OR2A5: variants seen among roughly 807,000 people sequenced by gnomAD.
OR2A5 encodes olfactory receptor family 2 subfamily A member 5.
A neutral mutation model predicts 1.9 loss-of-function variants in OR2A5; 2 were observed. The observed-to-expected ratio is 1.04, with a 90% CI of 0.43 to 3.28. The LOEUF (loss-of-function observed/expected upper bound fraction) is 3.28. OR2A5 is among the 30% of genes most tolerant of loss of function. The pLI is 0.08. For missense variants in OR2A5, 391 were observed against 375.9 expected (o/e 1.04, Z -0.33); for synonymous variants, 160 against 154.5 (o/e 1.04, Z -0.26).
Position 144,050,520 on chromosome 7 carries a change from G to C in OR2A5, c.119G>C (p.Gly40Ala), listed in dbSNP as rs2050892848. 1 of 1,608,486 alleles carries C rather than the reference G, an allele frequency of 6.2e-7. No homozygotes were observed. ...FSLLYVFTLL[G>A]NGAILGLIWL... is the part of the protein sequence containing the mutation. ...CTGTTATACGTCTTCACCCTGCTGG[G>C]AAATGGGGCCATCCTGGGGCTCATC... Residue 40 changes from glycine to alanine, a missense_variant, in exon 2 of 2, where the codon GGA (glycine) becomes GCA (alanine). Transcript: ENST00000641693.
chr7:144,058,673 G>A lies in OR2A5; in HGVS notation c.*7336G>A, dbSNP rs1288150906. The A allele has an allele frequency of 6.6e-6, 1 of 152,362 alleles. No homozygotes were observed. The highest frequency in any genetic ancestry group is 1.5e-5 in the Non-Finnish European group (1 of 68,212). 9.4% of individuals were successfully genotyped at this position (152,362 alleles called of 1,614,324 possible). ...CCCAGCACTTTGGGAGGCCGAGGTG[G>A]GTGGATCGCGAGATCAGGAGTTCAA... On this transcript the variant is annotated 3_prime_UTR_variant, in exon 2 of 2. Coordinates refer to ENST00000641693, the MANE Select transcript of OR2A5 (RefSeq NM_012365.2).
rs556419063 is a variant in OR2A5 at position 144,051,734 on chromosome 7, A to G, written c.*397A>G. ...GAGAGTACTTGTAATCACACAGAAT[A>G]AATACTGACCTTGGTTAAGCAGCCC... On this transcript the variant is annotated 3_prime_UTR_variant, in exon 2 of 2. Transcript: ENST00000641693. 1 of 178,312 alleles carries G rather than the reference A, an allele frequency of 5.6e-6. No homozygotes were observed. The highest frequency in any genetic ancestry group is 1.4e-4 in the East Asian group (1 of 6,918). 11.0% of individuals were successfully genotyped at this position (178,312 alleles called of 1,614,324 possible).
In OR2A5 at chr7:144,055,307, T is replaced by C. The variant is rs1285377181; in HGVS notation, c.*3970T>C. The C allele has an allele frequency of 6.6e-6, 1 of 152,216 alleles. No individual in the cohort carries two copies. The highest frequency in any genetic ancestry group is 1.5e-5 in the Non-Finnish European group (1 of 68,030). 9.4% of individuals were successfully genotyped at this position (152,216 alleles called of 1,614,324 possible). A position where few individuals can be genotyped will look rare whatever the true frequency, so the allele number is the denominator to read the frequency against. On this transcript the variant is annotated 3_prime_UTR_variant, in exon 2 of 2. Coordinates refer to ENST00000641693, the MANE Select transcript of OR2A5 (RefSeq NM_012365.2). ...TGCAACAATGAGGTCTTGTGAATTA[T>C]TGTGCAGCCTTACTATAAATAGAAA... is the stretch of plus-strand genomic sequence containing the variant.
chr7:144,051,174 T>G lies in OR2A5; in HGVS notation c.773T>G (p.Met258Arg). 6.2e-7 allele frequency: 1 copy of G among 1,614,210 alleles called. No individual in the cohort carries two copies. The highest frequency in any genetic ancestry group is 8.5e-7 in the Non-Finnish European group (1 of 1,180,030). ...CTCTTCTTTGGCAGCGCCATTGTCA[T>G]GTACATGGCCCCCAAGTCCCGCCAC... is the stretch of plus-strand genomic sequence containing the variant. ...VGLFFGSAIV[M>R]YMAPKSRHPE... The change falls in exon 2 of 2, where the codon ATG becomes AGG. Residue 258 changes from methionine (M) to arginine (R), a missense_variant. Met to Arg is a moderately conservative substitution (Grantham distance 91). Transcript: ENST00000641693.
Position 144,057,815 on chromosome 7 carries a change from T to C in OR2A5, c.*6478T>C, listed in dbSNP as rs1360632413. ...TGATAAAGAATAATAGTAAATATAA[T>C]TGTTGAATGTAAACAAAATAGCTTT... On this transcript the variant is annotated 3_prime_UTR_variant, in exon 2 of 2. Transcript: ENST00000641693. The C allele has an allele frequency of 2.6e-5, 4 of 152,296 alleles. No individual in the cohort carries two copies. The highest frequency in any genetic ancestry group is 2.0e-4 in the Admixed American group (3 of 15,302). The allele number at this position is 152,296 out of a possible 1,614,324, so 9.4% of individuals were successfully genotyped here.
At chr7:144,050,304 C>T (rs1394563526) in intron 1 of OR2A5, 47 bp from the exon 2 acceptor site, 35 of 786,030 alleles carry the variant, frequency 4.5e-5, no homozygotes, top group Non-Finnish European at 5.2e-5. Context: ...ACCATAAACC[C>T]CCTCCTTCTG....
rs967735978 is a variant in OR2A5 at position 144,055,619 on chromosome 7, T to G, written c.*4282T>G. The stretch of plus-strand genomic sequence containing the variant: ...AGTAGGAAAAAATTGTTGTATAAGC[T>G]TCATACTTGTGGTTCTCATACTTTT... On this transcript the variant is annotated 3_prime_UTR_variant, in exon 2 of 2. Transcript: ENST00000641693. 2 of 152,220 alleles carry G rather than the reference T, an allele frequency of 1.3e-5. No homozygotes were observed. The highest frequency in any genetic ancestry group is 4.8e-5 in the African/African-American group (2 of 41,458). The allele number at this position is 152,220 out of a possible 1,614,324, so 9.4% of individuals were successfully genotyped here.
chr7:144,050,649 A>T lies in OR2A5; in HGVS notation c.248A>T (p.Asn83Ile). The change falls in exon 2 of 2, where the codon AAC (asparagine) becomes ATC (isoleucine). Residue 83 changes from asparagine to isoleucine, a missense_variant. Coordinates refer to ENST00000641693, the MANE Select transcript of OR2A5 (RefSeq NM_012365.2). ...AACAATGTCCCCAAGATGCTGACAA[A>T]CCTTGGCTTGAACAAGAGAAAAACA... ...ASNNVPKMLTNLGLNKRKTIS... is the reference protein window; with the variant it reads ...ASNNVPKMLTILGLNKRKTIS... 6.2e-7 allele frequency: 1 copy of T among 1,613,854 alleles called. No individual in the cohort carries two copies. The highest frequency in any genetic ancestry group is 8.5e-7 in the Non-Finnish European group (1 of 1,179,930).
At position 144,050,804 on chromosome 7, in the gene OR2A5, A is replaced by T. The variant is rs751583606; in HGVS notation, c.403A>T (p.Ile135Phe). ...AICHPLQYSV[I>F]MRWGVCTVLA... is the part of the protein sequence containing the mutation. ...CTGCCACCCTCTGCAATATTCTGTCATCATGAGATGGGGAGTGTGCACAGT... is the reference window on the plus strand; with the variant it reads ...CTGCCACCCTCTGCAATATTCTGTCTTCATGAGATGGGGAGTGTGCACAGT... Residue 135 changes from isoleucine to phenylalanine, a missense_variant, in exon 2 of 2, where the codon ATC (isoleucine) becomes TTC (phenylalanine). Ile to Phe is a conservative substitution (Grantham distance 21, BLOSUM62 0). Coordinates refer to ENST00000641693, the MANE Select transcript of OR2A5 (RefSeq NM_012365.2). The T allele has an allele frequency of 1.2e-6, 2 of 1,614,194 alleles. No homozygotes were observed. The highest frequency in any genetic ancestry group is 2.2e-5 in the East Asian group (1 of 44,878).
At position 144,050,429 on chromosome 7, in the gene OR2A5, G is replaced by T; in HGVS notation, c.28G>T (p.Glu10Ter). 6.5e-7 allele frequency: 1 copy of T among 1,542,606 alleles called. No individual in the cohort carries two copies. The highest frequency in any genetic ancestry group is 8.7e-7 in the Non-Finnish European group (1 of 1,150,582). MTKNQTWVTEFILLGFPLSL... is the reference protein window; with the variant it reads MTKNQTWVT ...GACAAAAAATCAGACATGGGTCACA[G>T]AATTCATTCTCCTGGGATTTCCACT... Residue 10 changes from glutamate to a stop codon, truncating the protein, a stop_gained, in exon 2 of 2, where the codon GAA (glutamate) becomes TAA (stop). Coordinates refer to ENST00000641693, the MANE Select transcript of OR2A5 (RefSeq NM_012365.2). LOFTEE classifies it low-confidence loss of function (END_TRUNC).
In OR2A5 at chr7:144,051,121, CTGCTCCTCCCACCTT is replaced by C; in HGVS notation, c.724_738del (p.Ser242_Cys246del). 1 of 1,614,244 alleles carries C rather than the reference CTGCTCCTCCCACCTT, an allele frequency of 6.2e-7. No homozygotes were observed. Reference sequence around the variant, plus strand: ...AGGGCCGCAGAAAGGCCTTCTCCACCTGCTCCTCCCACCTTTGCATGGTGGGACTCTTCTTTGGCA... The same window carrying C: ...AGGGCCGCAGAAAGGCCTTCTCCACCTGCATGGTGGGACTCTTCTTTGGCA... On this transcript the variant is annotated inframe_deletion, in exon 2 of 2. Transcript: ENST00000641693.
chr7:144,051,454 T>C lies in OR2A5; in HGVS notation c.*117T>C. The stretch of plus-strand genomic sequence containing the variant: ...AGATTTCTGATATCAAGAATGTATA[T>C]TGATTGGATTCTATCCCTAAACGTG... On this transcript the variant is annotated 3_prime_UTR_variant, in exon 2 of 2. Coordinates refer to ENST00000641693, the MANE Select transcript of OR2A5 (RefSeq NM_012365.2). 3 of 805,178 alleles carry C rather than the reference T, an allele frequency of 3.7e-6. No individual in the cohort carries two copies. Among genetic ancestry groups the C allele is most frequent in the Non-Finnish European group, 5.8e-6 (3 of 515,126 alleles). The allele number at this position is 805,178 out of a possible 1,614,324, so 49.9% of individuals were successfully genotyped here.
rs371636291 is a variant in OR2A5, at chr7:144,050,746, G to A, written c.345G>A (p.Leu115=). The part of the protein sequence containing the change: ...MAFAHTECLI[L]VMMSYDRYMA... ...TTGCTCACACTGAGTGTCTCATCTT[G>A]GTAATGATGTCCTACGATCGGTACA... Residue 115 remains leucine (L), a synonymous_variant, in exon 2 of 2, where the codon TTG becomes TTA. Coordinates refer to ENST00000641693, the MANE Select transcript of OR2A5 (RefSeq NM_012365.2). 8.7e-6 allele frequency: 14 copies of A among 1,613,918 alleles called. No individual in the cohort carries two copies. Among genetic ancestry groups the A allele is most frequent in the Non-Finnish European group, 1.1e-5 (13 of 1,179,952 alleles).
In OR2A5 at chr7:144,058,152, A is replaced by T. The variant is rs2050954646; in HGVS notation, c.*6815A>T. On this transcript the variant is annotated 3_prime_UTR_variant, in exon 2 of 2. Transcript: ENST00000641693. ...TTGTCCTAGTGATTACAGCCACATGAGTCACTGGTCAGCTCAGCGGCTATC... is the reference window on the plus strand; with the variant it reads ...TTGTCCTAGTGATTACAGCCACATGTGTCACTGGTCAGCTCAGCGGCTATC... 1 of 152,228 alleles carries T rather than the reference A, an allele frequency of 6.6e-6. No homozygotes were observed. Among genetic ancestry groups the T allele is most frequent in the Non-Finnish European group, 1.5e-5 (1 of 68,048 alleles). The allele number at this position is 152,228 out of a possible 1,614,324, so 9.4% of individuals were successfully genotyped here.
rs754754150 is a variant in OR2A5, at chr7:144,051,226, C to T, written c.825C>T (p.Ser275=). 10 of 1,614,028 alleles carry T rather than the reference C, an allele frequency of 6.2e-6. No homozygotes were observed. The highest frequency in any genetic ancestry group is 8.5e-6 in the Non-Finnish European group (10 of 1,180,040). The change falls in exon 2 of 2, where the codon TCC becomes TCT. Residue 275 remains serine (S), a synonymous_variant. Transcript: ENST00000641693. ...CTGAGGAGCAGCAGAAGGTCCTTTCCCTGTTTTACAGCCTTTTCAACCCGA... is the reference window on the plus strand; with the variant it reads ...CTGAGGAGCAGCAGAAGGTCCTTTCTCTGTTTTACAGCCTTTTCAACCCGA... ...RHPEEQQKVL[S]LFYSLFNPML...
At position 144,058,157 on chromosome 7, in the gene OR2A5, C is replaced by T. The variant is rs1339606080; in HGVS notation, c.*6820C>T. On this transcript the variant is annotated 3_prime_UTR_variant, in exon 2 of 2. Coordinates refer to ENST00000641693, the MANE Select transcript of OR2A5 (RefSeq NM_012365.2). ...CTAGTGATTACAGCCACATGAGTCA[C>T]TGGTCAGCTCAGCGGCTATCCCGAC... The T allele has an allele frequency of 2.0e-5, 3 of 152,226 alleles. No individual in the cohort carries two copies. The highest frequency in any genetic ancestry group is 4.4e-5 in the Non-Finnish European group (3 of 68,050). 9.4% of individuals were successfully genotyped at this position (152,226 alleles called of 1,614,324 possible).
In OR2A5 at chr7:144,052,765, A is replaced by C. The variant is rs1280480780; in HGVS notation, c.*1428A>C. 2.0e-5 allele frequency: 3 copies of C among 152,132 alleles called. No homozygotes were observed. The East Asian group carries it at 5.8e-4, about 29-fold the overall frequency. The allele number at this position is 152,132 out of a possible 1,614,324, so 9.4% of individuals were successfully genotyped here. On this transcript the variant is annotated 3_prime_UTR_variant, in exon 2 of 2. Transcript: ENST00000641693. ...ATTTTTTGGCCTGCAGAAATTCACA[A>C]ACCTTGCTCTGCCCCTCCCAAAGAG...
rs1317484642 is a variant in OR2A5, at chr7:144,057,258, A to G, written c.*5921A>G. On this transcript the variant is annotated 3_prime_UTR_variant, in exon 2 of 2. Transcript: ENST00000641693. ...CTATTTTTTAAGAAAATGGAATAAA[A>G]AGCACATAGAATCTAGACTCAGATA... 4 of 152,222 alleles carry G rather than the reference A, an allele frequency of 2.6e-5. No homozygotes were observed. The highest frequency in any genetic ancestry group is 2.0e-4 in the Admixed American group (3 of 15,272). 9.4% of individuals were successfully genotyped at this position (152,222 alleles called of 1,614,324 possible).
Position 144,058,139 on chromosome 7 carries a change from T to C in OR2A5, c.*6802T>C, listed in dbSNP as rs533764461. The C allele has an allele frequency of 1.3e-5, 2 of 152,354 alleles. No individual in the cohort carries two copies. The highest frequency in any genetic ancestry group is 1.5e-5 in the Non-Finnish European group (1 of 68,042). 9.4% of individuals were successfully genotyped at this position (152,354 alleles called of 1,614,324 possible). On this transcript the variant is annotated 3_prime_UTR_variant, in exon 2 of 2. Coordinates refer to ENST00000641693, the MANE Select transcript of OR2A5 (RefSeq NM_012365.2). The stretch of plus-strand genomic sequence containing the variant: ...AGATACAAGGCTGTTGTCCTAGTGA[T>C]TACAGCCACATGAGTCACTGGTCAG...
Sources: gnomAD v4.1 joint callset for allele counts on GRCh38, gnomAD v4.1.1 for gene constraint, MANE v1.5 for transcripts, NCBI Gene and HGNC (gene_info 2026-07-23, HGNC 2026-07-21) for gene names.